The following WNK2 variants were observed in gnomAD, a reference collection of about 807,000 sequenced individuals.
WNK2 encodes the protein WNK lysine deficient protein kinase 2, also known as serine/threonine-protein kinase WNK2.
Under a neutral mutation model 192.1 loss-of-function variants are expected in WNK2, and 67 were observed. The observed-to-expected ratio is 0.35, with a 90% confidence interval of 0.29 to 0.43. WNK2 has a LOEUF of 0.43. Among genes scored for constraint, WNK2 ranks in the 20% least tolerant of loss-of-function variants. The pLI, the probability that WNK2 is intolerant of heterozygous loss-of-function variation, is 1.00. For synonymous variants in WNK2, 1,439 were observed against 1,393.9 expected (o/e 1.03, Z -0.72); for missense variants, 2,698 against 3,089.7 (o/e 0.87, Z 3.01).
At chr9:93,275,049 C>T (rs1846588485) in intron 19 of WNK2, among the ~76,000 whole-genome samples, 1 of 45,664 alleles carries the variant, frequency 2.2e-5, no homozygotes, top group Non-Finnish European at 5.7e-5. Flanking sequence ...AAGTCAAATT[C>T]AGCACTATAT....
chr9:93,199,725 C>T (rs62571716), intron 2 of WNK2, among the ~76,000 whole-genome samples: 58,544 of 151,140 alleles, frequency 0.39, 13,302 homozygotes, highest in East Asian at 0.51. Context: ...GGTGAAACCC[C>T]GTCTCTACTA....
intron 19 of WNK2, among the ~76,000 whole-genome samples, chr9:93,285,722 C>T (rs1848350724): frequency 6.6e-6 from 1 of 152,114 alleles, no homozygotes; most frequent in South Asian, 2.1e-4. Context: ...TACAGAAATG[C>T]AAAAACCAGT....
intron 17 of WNK2, 48 bp from the exon 18 acceptor site, chr9:93,267,972 G>T: frequency 1.2e-6 from 2 of 1,606,268 alleles, no homozygotes; most frequent in Non-Finnish European, 1.7e-6. Flanking sequence ...CTGGGCAGGT[G>T]GGCGCTGCAG....
intron 2 of WNK2, among the ~76,000 whole-genome samples, chr9:93,196,726 G>A (rs1004278534): frequency 2.6e-5 from 4 of 152,204 alleles, no homozygotes; most frequent in African/African-American, 7.2e-5. Flanking sequence ...CTTGATTGGT[G>A]TAGCAGGTTA....
intron 25 of WNK2, 95 bp from the exon 26 acceptor site, chr9:93,299,956 C>A: frequency 1.0e-6 from 1 of 990,148 alleles, no homozygotes; most frequent in Non-Finnish European, 1.6e-6. Context: ...TGTTAAGTGA[C>A]GAGGCTGGTG....
chr9:93,208,995 A>G (rs1833989318), intron 2 of WNK2, among the ~76,000 whole-genome samples: 1 of 152,154 alleles, frequency 6.6e-6, no homozygotes, highest in Admixed American at 6.5e-5. Flanking sequence ...GCCCTGGCAG[A>G]GCAGCCTCAT....
Position 93,320,426 on chromosome 9 carries a change from C to CT in WNK2, c.*35dup, listed in dbSNP as rs1855311792. The CT allele has an allele frequency of 7.3e-7, 1 of 1,367,640 alleles. No homozygotes were observed. The highest frequency in any genetic ancestry group is 1.5e-5 in the African/African-American group (1 of 67,898). The allele number at this position is 1,367,640 out of a possible 1,614,324, so 84.7% of individuals were successfully genotyped here. On this transcript the variant is annotated 3_prime_UTR_variant, in exon 30 of 30. Coordinates refer to ENST00000427277, the MANE Select transcript of WNK2 (RefSeq NM_006648.4). ...AGACGCCAGGCCCACTTCACGCCGT[C>CT]TAAGTGGAGAAGTGACGGACCCTCA...
At chr9:93,262,644 C>G (rs1230016811) in intron 13 of WNK2, 26 bp from the exon 14 acceptor site, 1 of 1,612,492 alleles carries the variant, frequency 6.2e-7, no homozygotes, top group South Asian at 1.1e-5. Context: ...ATGACCTGTT[C>G]TCTTTTCTCC....
chr9:93,236,023 T>C (rs1251774341), intron 5 of WNK2, among the ~76,000 whole-genome samples: 1 of 152,200 alleles, frequency 6.6e-6, no homozygotes. Context: ...TTGACTCACC[T>C]GTGGGCCTGG....
intron 4 of WNK2, 95 bp from the exon 5 acceptor site, chr9:93,234,712 TG>T: frequency 7.0e-7 from 1 of 1,427,934 alleles, no homozygotes; most frequent in Non-Finnish European, 9.5e-7. Flanking sequence ...GGAGGGGACA[TG>T]GGGTTCTGGG....
intron 28 of WNK2, among the ~76,000 whole-genome samples, chr9:93,312,831 C>T (rs2134362909): frequency 6.6e-6 from 1 of 152,300 alleles, no homozygotes; most frequent in South Asian, 2.1e-4. Context: ...TCTCCTGTGA[C>T]TCCCGTAATG....
intron 28 of WNK2, among the ~76,000 whole-genome samples, chr9:93,314,042 G>A (rs1485056611): frequency 3.3e-5 from 5 of 151,814 alleles, no homozygotes; most frequent in South Asian, 4.1e-4. Context: ...AGGCTGAGGC[G>A]GGTGGATCAC....
chr9:93,308,132 G>A, intron 27 of WNK2, 196 bp from the exon 28 acceptor site: 1 of 1,159,626 alleles, frequency 8.6e-7, no homozygotes. Flanking sequence ...ACCTGGCACA[G>A]CCCATGGAAA....
At position 93,319,374 on chromosome 9, in the gene WNK2, CAG is replaced by C. The variant is rs1855239507; in HGVS notation, c.6629-992_6629-991del. 5.1e-6 allele frequency: 5 copies of C among 985,336 alleles called. No individual in the cohort carries two copies. In the South Asian group the frequency reaches 2.3e-4, roughly 46 times the overall value. The allele number at this position is 985,336 out of a possible 1,614,324, so 61.0% of individuals were successfully genotyped here. A position where few individuals can be genotyped will look rare whatever the true frequency, so the allele number is the denominator to read the frequency against. On this transcript the variant is annotated intron_variant, in intron 29 of 29. Coordinates refer to ENST00000427277, the MANE Select transcript of WNK2 (RefSeq NM_006648.4). Reference sequence around the variant, plus strand: ...GGGTGCTGGGCTGGGCTGTCCCCGGCAGGGGTCTGAGAGCAGGGCATCTGGCA... The same window carrying C: ...GGGTGCTGGGCTGGGCTGTCCCCGGCGGGTCTGAGAGCAGGGCATCTGGCA...
chr9:93,305,626 C>A (rs981650357), intron 26 of WNK2, among the ~76,000 whole-genome samples: 1 of 152,250 alleles, frequency 6.6e-6, no homozygotes, highest in Non-Finnish European at 1.5e-5. Context: ...CCAGGATGCA[C>A]AACTCAGGCC....
At chr9:93,286,883 T>C (rs1422043297) in intron 19 of WNK2, among the ~76,000 whole-genome samples, 2 of 152,224 alleles carry the variant, frequency 1.3e-5, no homozygotes, top group Non-Finnish European at 2.9e-5. Context: ...CAGGACATTA[T>C]GCTATATGAA....
intron 7 of WNK2, among the ~76,000 whole-genome samples, chr9:93,245,028 C>G (rs928633249): frequency 1.3e-5 from 2 of 152,054 alleles, no homozygotes. Context: ...CCCCCTCCCC[C>G]GCCCCACTTA....
In WNK2 at chr9:93,195,699, CAAAAAAAAAAA is replaced by C. The variant is rs59357990; in HGVS notation, c.681+10104_681+10114del. On this transcript the variant is annotated intron_variant, in intron 2 of 29. Coordinates refer to ENST00000427277, the MANE Select transcript of WNK2 (RefSeq NM_006648.4). ...GGGCAACAGAGTAAAGACTTTGTCT[CAAAAAAAAAAA>C]AAAAAAAAAAAAAAGATGTTGCTGA... 7.1e-3 allele frequency among the ~76,000 whole-genome samples: 296 copies of C among 41,684 alleles called. 8 individuals are homozygous for C. The highest frequency in any genetic ancestry group is 0.034 in the Middle Eastern group (2 of 58). 27.3% of individuals were successfully genotyped at this position (41,684 alleles called of 152,430 possible).
At chr9:93,315,767 A>C (rs1854533894) in intron 28 of WNK2, 1 of 142,080 alleles carries the variant, frequency 7.0e-6, no homozygotes, top group Non-Finnish European at 1.5e-5. Flanking sequence ...TTTTCCATGA[A>C]CTTTTTGAAG....
Sources: allele counts gnomAD v4.1 joint callset (sites outside exome capture counted in the v4.1 genomes callset), GRCh38; gene constraint gnomAD v4.1.1; transcripts MANE v1.5; gene names NCBI Gene and HGNC (gene_info 2026-07-23, HGNC 2026-07-21).